The following PCDHA11 variants were observed in gnomAD, a reference collection of about 807,000 sequenced individuals.
PCDHA11 encodes the protein protocadherin alpha 11.
PCDHA11 carries 61 observed loss-of-function variants against 70.3 expected under a neutral mutation model. That is an observed-to-expected ratio of 0.87 (90% CI 0.71 to 1.07). The LOEUF (loss-of-function observed/expected upper bound fraction) is 1.07. Ranked by LOEUF, PCDHA11 falls within the 50% of genes least tolerant of loss-of-function variation. The pLI, the probability that PCDHA11 is intolerant of heterozygous loss-of-function variation, is 0.00. For missense variants in PCDHA11, 1,324 were observed against 1,237.5 expected (o/e 1.07, Z -1.05); for synonymous variants, 633 against 555.1 (o/e 1.14, Z -1.97).
At chr5:140,941,214 C>CCTTTCTTTCTTT (rs60032403) in intron 1 of PCDHA11, among the ~76,000 whole-genome samples, 2,129 of 122,416 alleles carry the variant, frequency 0.017, 41 homozygotes, top group Non-Finnish European at 0.024. Context: ...TTTCTTTCTT[C>CCTTTCTTTCTTT]CTTTCTTTCT....
intron 1 of PCDHA11, chr5:140,968,321 A>G: frequency 6.2e-7 from 1 of 1,613,834 alleles, no homozygotes; most frequent in Non-Finnish European, 8.5e-7. Flanking sequence ...GCTGCCAGTC[A>G]CCTCCTATGT....
At chr5:140,933,721 C>T (rs957167505) in intron 1 of PCDHA11, among the ~76,000 whole-genome samples, 1 of 151,982 alleles carries the variant, frequency 6.6e-6, no homozygotes, top group African/African-American at 2.4e-5. Flanking sequence ...ATTGGTGATA[C>T]AGCTTTCTTA....
rs782568393 is a variant in PCDHA11 at position 141,011,637 on chromosome 5, C to G, written c.*1700C>G. The G allele has an allele frequency of 2.0e-5, 3 of 153,526 alleles. No homozygotes were observed. Among genetic ancestry groups the G allele is most frequent in the Non-Finnish European group, 4.4e-5 (3 of 68,022 alleles). The allele number at this position is 153,526 out of a possible 1,614,324, so 9.5% of individuals were successfully genotyped here. ...GGTCCAGCCAAGAGCCATCTCGTGC[C>G]AAGACTTCTGCTGGCAAGGGAATGG... is the stretch of plus-strand genomic sequence containing the variant. On this transcript the variant is annotated 3_prime_UTR_variant, in exon 4 of 4. Transcript: ENST00000398640.
rs114871728 is a variant in PCDHA11, at chr5:140,922,694, C to T, written c.2391+51200C>T. The stretch of plus-strand genomic sequence containing the variant: ...GTAAAAAAGTGAACAGGCTCTGCTT[C>T]CATACAGTCAAGAACAAAAAGAAAC... On this transcript the variant is annotated intron_variant, in intron 1 of 3. Transcript: ENST00000398640. Among the ~76,000 whole-genome samples, 1,199 of 152,172 alleles carry T rather than the reference C, an allele frequency of 7.9e-3. 5 individuals carry two copies. The highest frequency in any genetic ancestry group is 0.018 in the African/African-American group (768 of 41,520).
At chr5:140,950,517 A>G (rs1210598995) in intron 1 of PCDHA11, among the ~76,000 whole-genome samples, 1 of 152,012 alleles carries the variant, frequency 6.6e-6, no homozygotes, top group African/African-American at 2.4e-5. Flanking sequence ...CCTGTGTGCG[A>G]TATGATTGTT....
At chr5:140,873,301 A>G (rs1463024301) in intron 1 of PCDHA11, among the ~76,000 whole-genome samples, 1 of 152,238 alleles carries the variant, frequency 6.6e-6, no homozygotes, top group Non-Finnish European at 1.5e-5. Flanking sequence ...TTATAAATAT[A>G]ATAAAGGTGA....
intron 1 of PCDHA11, among the ~76,000 whole-genome samples, chr5:140,943,614 A>G (rs1269579212): frequency 6.6e-6 from 1 of 152,220 alleles, no homozygotes; most frequent in Admixed American, 6.5e-5. Context: ...ACTTTGATTC[A>G]TCTGCATAAG....
intron 3 of PCDHA11, among the ~76,000 whole-genome samples, chr5:141,000,877 C>T (rs2097970762): frequency 6.6e-6 from 1 of 151,952 alleles, no homozygotes; most frequent in Non-Finnish European, 1.5e-5. Context: ...CATTGTACTC[C>T]AACCTGGGCA....
At chr5:140,963,443 T>C (rs1554226608) in intron 1 of PCDHA11, among the ~76,000 whole-genome samples, 1 of 152,248 alleles carries the variant, frequency 6.6e-6, no homozygotes, top group African/African-American at 2.4e-5. Flanking sequence ...TCATACTCTG[T>C]TGCTAAAGTA....
intron 3 of PCDHA11, among the ~76,000 whole-genome samples, chr5:140,983,949 T>TA (rs1554245835): frequency 1.3e-5 from 2 of 152,176 alleles, no homozygotes. Flanking sequence ...ACAATTCAAC[T>TA]AAAAGTCACA....
In PCDHA11 at chr5:140,876,046, C is replaced by T. The variant is rs781957967; in HGVS notation, c.2391+4552C>T. 1.5e-5 allele frequency: 24 copies of T among 1,613,720 alleles called. No individual in the cohort carries two copies. The Admixed American group carries it at 1.7e-4, about 11-fold the overall frequency. Reference sequence around the variant, plus strand: ...AACAAAAAAAGATAAAAGTATATTGCCTGAATTAGTTCTTCGGAAGTTATT... The same window carrying T: ...AACAAAAAAAGATAAAAGTATATTGTCTGAATTAGTTCTTCGGAAGTTATT... On this transcript the variant is annotated intron_variant, in intron 1 of 3. Transcript: ENST00000398640.
Position 140,941,114 on chromosome 5 carries a change from T to G in PCDHA11, c.2392-37835T>G, listed in dbSNP as rs193134067. ...TTTCACATACTATTACTGGAAAGAT[T>G]AGTCCTTTGAAGTTCCAGCTTAATG... On this transcript the variant is annotated intron_variant, in intron 1 of 3. Coordinates refer to ENST00000398640, the MANE Select transcript of PCDHA11 (RefSeq NM_018902.5). Among the ~76,000 whole-genome samples, 307 of 152,230 alleles carry G rather than the reference T, an allele frequency of 2.0e-3. 3 individuals carry two copies. Among genetic ancestry groups the G allele is most frequent in the African/African-American group, 7.2e-3 (299 of 41,546 alleles).
At chr5:140,946,948 T>C (rs1315606645) in intron 1 of PCDHA11, among the ~76,000 whole-genome samples, 2 of 151,534 alleles carry the variant, frequency 1.3e-5, no homozygotes, top group African/African-American at 4.8e-5. Context: ...TTAAGAATAA[T>C]GTATATTTCA....
rs1192658029 is a variant in PCDHA11 at position 141,011,915 on chromosome 5, A to G, written c.*1978A>G. On this transcript the variant is annotated 3_prime_UTR_variant, in exon 4 of 4. Coordinates refer to ENST00000398640, the MANE Select transcript of PCDHA11 (RefSeq NM_018902.5). Reference sequence around the variant, plus strand: ...ATATTATCTATTTAGGCATTAATATAAAAGAGGTAGGAGTCTGTTATTTAA... The same window carrying G: ...ATATTATCTATTTAGGCATTAATATGAAAGAGGTAGGAGTCTGTTATTTAA... 1 of 153,728 alleles carries G rather than the reference A, an allele frequency of 6.5e-6. No homozygotes were observed. Among genetic ancestry groups the G allele is most frequent in the Admixed American group, 6.5e-5 (1 of 15,286 alleles). 9.5% of individuals were successfully genotyped at this position (153,728 alleles called of 1,614,324 possible). A position where few individuals can be genotyped will look rare whatever the true frequency, so the allele number is the denominator to read the frequency against.
chr5:140,941,239 C>CTTTCTTTCTTTCTT (rs2092937531), intron 1 of PCDHA11, among the ~76,000 whole-genome samples: 2 of 134,500 alleles, frequency 1.5e-5, no homozygotes, highest in Non-Finnish European at 1.6e-5. Context: ...TTCTTTCTTT[C>CTTTCTTTCTTTCTT]TTTCTTTCTT....
At position 141,010,062 on chromosome 5, in the gene PCDHA11, A is replaced by G. The variant is rs1310704954; in HGVS notation, c.*125A>G. The G allele has an allele frequency of 8.1e-6, 13 of 1,602,422 alleles. No individual in the cohort carries two copies. Among genetic ancestry groups the G allele is most frequent in the African/African-American group, 2.7e-5 (2 of 74,284 alleles). On this transcript the variant is annotated 3_prime_UTR_variant, in exon 4 of 4. Transcript: ENST00000398640. Reference sequence around the variant, plus strand: ...CCTCTTAGAGACCTCAGAAATCTGCAGAAAGTTCCCTGTGTCTGTCTAGAA... The same window carrying G: ...CCTCTTAGAGACCTCAGAAATCTGCGGAAAGTTCCCTGTGTCTGTCTAGAA...
chr5:140,957,416 A>T (rs1456143168), intron 1 of PCDHA11, among the ~76,000 whole-genome samples: 2 of 152,144 alleles, frequency 1.3e-5, no homozygotes, highest in East Asian at 1.9e-4. Flanking sequence ...TATTGTTGTT[A>T]ATCTTTTACT....
rs1344675374 is a variant in PCDHA11 at position 140,952,992 on chromosome 5, ACT to A, written c.2392-25951_2392-25950del. Among the ~76,000 whole-genome samples, 6 of 151,892 alleles carry A rather than the reference ACT, an allele frequency of 4.0e-5. No individual in the cohort carries two copies. In the East Asian group the frequency reaches 7.7e-4, roughly 20 times the overall value. On this transcript the variant is annotated intron_variant, in intron 1 of 3. Transcript: ENST00000398640. ...TTTTAAACAACAAGATCTCATGAGAACTCTCTCACTATTATGAGAACAACATT... is the reference window on the plus strand; with the variant it reads ...TTTTAAACAACAAGATCTCATGAGAACTCTCACTATTATGAGAACAACATT...
rs575141569 is a variant in PCDHA11, at chr5:140,917,876, CT to C, written c.2391+46392del. Among the ~76,000 whole-genome samples, 1,293 of 147,130 alleles carry C rather than the reference CT, an allele frequency of 8.8e-3. 5 individuals carry two copies. Among genetic ancestry groups the C allele is most frequent in the African/African-American group, 0.02 (816 of 40,244 alleles). ...TAGGATTGCTTTGACTATTTGGGCT[CT>C]TTTTTTTTTCCATATGAATGTTAGG... On this transcript the variant is annotated intron_variant, in intron 1 of 3. Coordinates refer to ENST00000398640, the MANE Select transcript of PCDHA11 (RefSeq NM_018902.5).
Sources: gnomAD v4.1 joint callset for allele counts (sites outside exome capture counted in the v4.1 genomes callset) on GRCh38, gnomAD v4.1.1 for gene constraint, MANE v1.5 for transcripts, NCBI Gene and HGNC (gene_info 2026-07-23, HGNC 2026-07-21) for gene names.